The following KHDRBS1 variants were observed in gnomAD, a reference collection of about 807,000 sequenced individuals.
The protein encoded by KHDRBS1 is KH RNA binding domain containing, signal transduction associated 1.
A neutral mutation model predicts 48.4 loss-of-function variants in KHDRBS1; 7 were observed. The observed-to-expected ratio is 0.14, with a 90% CI of 0.08 to 0.27. The LOEUF (loss-of-function observed/expected upper bound fraction) is 0.27, where lower values mean the gene tolerates loss of function less well. Ranked by LOEUF, KHDRBS1 falls within the 10% of genes least tolerant of loss-of-function variation. The pLI is 1.00. For synonymous variants in KHDRBS1, 241 were observed against 235.8 expected (o/e 1.02, Z -0.20); for missense variants, 458 against 601.2 (o/e 0.76, Z 2.49).
At chr1:32,014,601 C>T (rs574423894) in intron 1 of KHDRBS1, among the ~76,000 whole-genome samples, 1 of 152,358 alleles carries the variant, frequency 6.6e-6, no homozygotes, top group South Asian at 2.1e-4. Context: ...TTGCGATCCC[C>T]TAGCGCTAAT....
intron 1 of KHDRBS1, among the ~76,000 whole-genome samples, chr1:32,015,444 A>T (rs1230425412): frequency 6.6e-6 from 1 of 152,218 alleles, no homozygotes; most frequent in East Asian, 1.9e-4. Flanking sequence ...GGTTAATATA[A>T]TGGACAGTTC....
chr1:32,031,482 T>A, intron 2 of KHDRBS1, 42 bp from the exon 3 acceptor site: 1 of 1,214,604 alleles, frequency 8.2e-7, no homozygotes, highest in South Asian at 1.3e-5. Flanking sequence ...AATGTTTTTA[T>A]ATAGTAGCAT....
intron 4 of KHDRBS1, 29 bp from the exon 5 acceptor site, chr1:32,036,881 A>G (rs750402335): frequency 6.2e-7 from 1 of 1,602,260 alleles, no homozygotes; most frequent in Non-Finnish European, 8.5e-7. Flanking sequence ...TAGATACCAC[A>G]CAATACTCCT....
At position 32,030,602 on chromosome 1, in the gene KHDRBS1, A is replaced by G. The variant is rs182509592; in HGVS notation, c.507+180A>G. On this transcript the variant is annotated intron_variant, in intron 2 of 8. Transcript: ENST00000327300. The stretch of plus-strand genomic sequence containing the variant: ...AATATCTAAGTTCTTAACTAATAAC[A>G]TAGCTATAGCCAGGAAGGAAATATA... Among the ~76,000 whole-genome samples, 8 of 152,346 alleles carry G rather than the reference A, an allele frequency of 5.3e-5. No individual in the cohort carries two copies. In the East Asian group the frequency reaches 1.5e-3, roughly 29 times the overall value.
chr1:32,014,432 G>T (rs1638693531), intron 1 of KHDRBS1, 55 bp downstream of exon 1: 1 of 1,279,000 alleles, frequency 7.8e-7, no homozygotes, highest in Admixed American at 3.8e-5. Flanking sequence ...GGCATGAGTG[G>T]CCCTGGCTTT....
intron 1 of KHDRBS1, among the ~76,000 whole-genome samples, chr1:32,026,491 G>T (rs1357406044): frequency 6.6e-6 from 1 of 152,106 alleles, no homozygotes; most frequent in African/African-American, 2.4e-5. Context: ...GAAATAATTG[G>T]ACAGAAGGAT....
chr1:32,017,484 T>A lies in KHDRBS1; in HGVS notation c.382+3107T>A, dbSNP rs188421196. ...ATATATTCGAATGTGTCTGCAGACA[T>A]AAGGATTCAATCATCTATCTTTGTT... On this transcript the variant is annotated intron_variant, in intron 1 of 8. Transcript: ENST00000327300. 4.2e-4 allele frequency among the ~76,000 whole-genome samples: 64 copies of A among 152,148 alleles called. 1 individual carries two copies. The East Asian group carries it at 8.7e-3, about 21-fold the overall frequency.
intron 1 of KHDRBS1, among the ~76,000 whole-genome samples, chr1:32,020,616 T>TAA (rs970503623): frequency 0.018 from 1,430 of 77,496 alleles, 38 homozygotes; most frequent in African/African-American, 0.052. Flanking sequence ...TACTGTGCAA[T>TAA]AAAAAAAAAA....
chr1:32,032,089 G>A (rs958217233), intron 3 of KHDRBS1, among the ~76,000 whole-genome samples: 5 of 152,180 alleles, frequency 3.3e-5, no homozygotes, highest in Non-Finnish European at 7.3e-5. Context: ...AGCCGGTTTG[G>A]AATGTGAGGC....
At chr1:32,033,144 T>G in intron 3 of KHDRBS1, 44 bp from the exon 4 acceptor site, 2 of 1,563,648 alleles carry the variant, frequency 1.3e-6, no homozygotes, top group Non-Finnish European at 1.8e-6. Context: ...GGTGGTGTTT[T>G]CTCCCTAGTC....
Position 32,042,575 on chromosome 1 carries a change from C to T in KHDRBS1, c.1283C>T (p.Ala428Val). Residue 428 changes from alanine to valine, a missense_variant, in exon 9 of 9, where the codon GCT (alanine) becomes GTT (valine). Ala to Val is a moderately conservative substitution (Grantham distance 64). This residue lies in a region of KHDRBS1 where 171 missense variants were observed against 228.7 expected (regional missense o/e 0.75). Transcript: ENST00000327300. ...GTRPSLKAPP[A>V]RPVKGAYREH... ...AGGCCGTCGCTGAAGGCCCCTCCTGCTAGGCCAGTGAAGGGAGCATACAGA... is the reference window on the plus strand; with the variant it reads ...AGGCCGTCGCTGAAGGCCCCTCCTGTTAGGCCAGTGAAGGGAGCATACAGA... 1.2e-6 allele frequency: 2 copies of T among 1,613,818 alleles called. No homozygotes were observed. Among genetic ancestry groups the T allele is most frequent in the East Asian group, 2.2e-5 (1 of 44,880 alleles).
chr1:32,017,864 C>T (rs968215667), intron 1 of KHDRBS1, among the ~76,000 whole-genome samples: 15 of 151,858 alleles, frequency 9.9e-5, no homozygotes, highest in Admixed American at 6.6e-4. Context: ...GCCTCGGCCT[C>T]CCAAAGTGCT....
At chr1:32,055,379 C>T (rs1472697765) in intron 10 of KHDRBS1, among the ~76,000 whole-genome samples, 1 of 151,926 alleles carries the variant, frequency 6.6e-6, no homozygotes, top group Non-Finnish European at 1.5e-5. Flanking sequence ...ACCTGGGAGG[C>T]GGAGGTTGCA....
In KHDRBS1 at chr1:32,014,163, G is replaced by A. The variant is rs1480311699; in HGVS notation, c.168G>A (p.Arg56=). ...GGGGGSRGGA[R]ASPATQPPPL... ...GAGGGGGATCCCGCGGGGGCGCCCG[G>A]GCCTCGCCCGCCACGCAGCCGCCAC... The change falls in exon 1 of 9, where the codon CGG becomes CGA. Residue 56 remains arginine (R), a synonymous_variant. Transcript: ENST00000327300. 9 of 1,305,606 alleles carry A rather than the reference G, an allele frequency of 6.9e-6. No individual in the cohort carries two copies. Among genetic ancestry groups the A allele is most frequent in the Non-Finnish European group, 8.8e-6 (9 of 1,027,134 alleles). The allele number at this position is 1,305,606 out of a possible 1,614,324, so 80.9% of individuals were successfully genotyped here.
At chr1:32,055,405 A>G (rs776809959) in intron 10 of KHDRBS1, among the ~76,000 whole-genome samples, 2 of 152,064 alleles carry the variant, frequency 1.3e-5, no homozygotes, top group Non-Finnish European at 2.9e-5. Context: ...CCATGATCGC[A>G]CCATTGCACT....
intron 6 of KHDRBS1, 104 bp downstream of exon 6, chr1:32,038,140 G>T (rs1003535797): frequency 1.3e-6 from 2 of 1,515,784 alleles, no homozygotes; most frequent in South Asian, 1.3e-5. Context: ...TGGACTGCCT[G>T]TAAGATTTGC....
intron 6 of KHDRBS1, 82 bp downstream of exon 6, chr1:32,038,118 A>T: frequency 6.3e-7 from 1 of 1,575,020 alleles, no homozygotes; most frequent in East Asian, 2.3e-5. Flanking sequence ...TCGGTCCTTT[A>T]TGTAGGTGTC....
chr1:32,023,699 A>G (rs543259395), intron 1 of KHDRBS1, among the ~76,000 whole-genome samples: 1 of 152,332 alleles, frequency 6.6e-6, no homozygotes, highest in African/African-American at 2.4e-5. Context: ...TTCCCATTTC[A>G]GTCTACTCTA....
Position 32,013,917 on chromosome 1 carries a change from G to C in KHDRBS1, c.-79G>C. ...CTTCGGTCGCTACCGCTCCCGCTCT[G>C]CCACCCCCGCCAACCGCCGCTCGGG... On this transcript the variant is annotated 5_prime_UTR_variant, in exon 1 of 9. Transcript: ENST00000327300. 1 of 1,297,136 alleles carries C rather than the reference G, an allele frequency of 7.7e-7. No individual in the cohort carries two copies. The highest frequency in any genetic ancestry group is 9.9e-7 in the Non-Finnish European group (1 of 1,012,906). The allele number at this position is 1,297,136 out of a possible 1,614,324, so 80.4% of individuals were successfully genotyped here. A position where few individuals can be genotyped will look rare whatever the true frequency, so the allele number is the denominator to read the frequency against.
Sources: gnomAD v4.1 joint callset for allele counts (sites outside exome capture counted in the v4.1 genomes callset) on GRCh38, gnomAD v4.1.1 for gene constraint, gnomAD v4.1.1 regional missense constraint, MANE v1.5 for transcripts, NCBI Gene and HGNC (gene_info 2026-07-23, HGNC 2026-07-21) for gene names.